EXOC4: variants seen among roughly 807,000 people sequenced by gnomAD.
EXOC4 encodes SEC8-like 1.
EXOC4 carries 71 observed loss-of-function variants against 107.2 expected under a neutral mutation model. The observed-to-expected ratio is 0.66, with a 90% CI of 0.55 to 0.81. The LOEUF is 0.81. Ranked by LOEUF, EXOC4 falls within the 30% of genes least tolerant of loss-of-function variation. The pLI, the probability that EXOC4 is intolerant of heterozygous loss-of-function variation, is 0.00. For missense variants in EXOC4, 1,108 were observed against 1,189.6 expected (o/e 0.93, Z 1.01); for synonymous variants, 456 against 441.2 (o/e 1.03, Z -0.42).
intron 10 of EXOC4, among the ~76,000 whole-genome samples, chr7:133,703,797 A>G (rs1399825269): frequency 6.6e-6 from 1 of 152,194 alleles, no homozygotes; most frequent in Non-Finnish European, 1.5e-5. Context: ...ACCATACACC[A>G]AAACAGTGAT....
At chr7:133,810,398 A>G (rs1797192134) in intron 10 of EXOC4, among the ~76,000 whole-genome samples, 4 of 152,134 alleles carry the variant, frequency 2.6e-5, no homozygotes, top group African/African-American at 9.7e-5. Flanking sequence ...TTTTGAAAAT[A>G]TTGGGTGAAA....
chr7:133,750,846 G>A (rs1795780904), intron 10 of EXOC4, among the ~76,000 whole-genome samples: 1 of 152,124 alleles, frequency 6.6e-6, no homozygotes, highest in African/African-American at 2.4e-5. Context: ...CTCCCAAAGT[G>A]TTGGGGCTTA....
chr7:133,468,824 C>T (rs1798798577), intron 7 of EXOC4, among the ~76,000 whole-genome samples: 1 of 151,942 alleles, frequency 6.6e-6, no homozygotes, highest in African/African-American at 2.4e-5. Flanking sequence ...TTTTTTTTGG[C>T]TTTTACAGTT....
At position 133,841,074 on chromosome 7, in the gene EXOC4, T is replaced by C. The variant is rs150395230; in HGVS notation, c.1734+23530T>C. Among the ~76,000 whole-genome samples, 560 of 152,270 alleles carry C rather than the reference T, an allele frequency of 3.7e-3. 2 individuals carry two copies. The highest frequency in any genetic ancestry group is 5.3e-3 in the Non-Finnish European group (359 of 68,018). The stretch of plus-strand genomic sequence containing the variant: ...GAGGTGGGGAAGTCCAAGATCAAAG[T>C]GCTGGCAGATTTGGTGTCTGATGAG... On this transcript the variant is annotated intron_variant, in intron 11 of 17. Coordinates refer to ENST00000253861, the MANE Select transcript of EXOC4 (RefSeq NM_021807.4).
intron 7 of EXOC4, among the ~76,000 whole-genome samples, chr7:133,435,449 G>A (rs1797948936): frequency 6.6e-6 from 1 of 152,180 alleles, no homozygotes. Context: ...TGCAAAGGCA[G>A]AGAACCAAGG....
chr7:133,398,736 G>A (rs1335323490), intron 7 of EXOC4, among the ~76,000 whole-genome samples: 1 of 152,012 alleles, frequency 6.6e-6, no homozygotes, highest in Non-Finnish European at 1.5e-5. Context: ...GAATTTCTAG[G>A]GACGAAAGAG....
At chr7:133,595,500 C>T (rs972992385) in intron 9 of EXOC4, among the ~76,000 whole-genome samples, 1 of 152,052 alleles carries the variant, frequency 6.6e-6, no homozygotes, top group African/African-American at 2.4e-5. Context: ...TTCTGATGTG[C>T]TTATTTTGTT....
chr7:133,786,329 C>G (rs1441344716), intron 10 of EXOC4, among the ~76,000 whole-genome samples: 3 of 152,180 alleles, frequency 2.0e-5, no homozygotes, highest in Non-Finnish European at 2.9e-5. Context: ...GGCCAGGGGT[C>G]TGCTGATACT....
chr7:133,550,759 T>C (rs1800571933), intron 9 of EXOC4, among the ~76,000 whole-genome samples: 1 of 152,154 alleles, frequency 6.6e-6, no homozygotes, highest in Admixed American at 6.5e-5. Context: ...GAACCTGTAA[T>C]AGCCTTTTTG....
chr7:133,934,882 T>A (rs903408627), intron 13 of EXOC4, among the ~76,000 whole-genome samples: 1 of 151,542 alleles, frequency 6.6e-6, no homozygotes, highest in African/African-American at 2.4e-5. Context: ...TTGTTTTGCT[T>A]TTCCTAGTAA....
At chr7:133,744,592 G>A (rs767312950) in intron 10 of EXOC4, among the ~76,000 whole-genome samples, 1 of 152,300 alleles carries the variant, frequency 6.6e-6, no homozygotes, top group South Asian at 2.1e-4. Flanking sequence ...GAAAAGTTAA[G>A]ATGAGGAAGC....
intron 10 of EXOC4, among the ~76,000 whole-genome samples, chr7:133,677,176 T>C (rs1465132343): frequency 6.6e-6 from 1 of 152,152 alleles, no homozygotes; most frequent in Non-Finnish European, 1.5e-5. Context: ...CTCTAATGTT[T>C]TGAGTTTTAG....
intron 5 of EXOC4, among the ~76,000 whole-genome samples, chr7:133,331,036 A>G (rs993731768): frequency 6.6e-6 from 1 of 151,978 alleles, no homozygotes; most frequent in Admixed American, 6.6e-5. Context: ...GGCAGGTACT[A>G]TGTGATTACT....
At chr7:134,023,349 G>A (rs1795068778) in intron 17 of EXOC4, among the ~76,000 whole-genome samples, 1 of 152,088 alleles carries the variant, frequency 6.6e-6, no homozygotes, top group Admixed American at 6.5e-5. Context: ...GCATCGTAGA[G>A]TATTTATAGC....
the EXOC4 span, among the ~76,000 whole-genome samples, chr7:134,076,454 CT>C: frequency 2.0e-5 from 3 of 151,756 alleles, no homozygotes; most frequent in Non-Finnish European, 2.9e-5. Flanking sequence ...GGAGGCGGAG[CT>C]TGCAGTGAGC....
chr7:133,834,425 C>T (rs1797874912), intron 11 of EXOC4, among the ~76,000 whole-genome samples: 1 of 152,176 alleles, frequency 6.6e-6, no homozygotes, highest in Non-Finnish European at 1.5e-5. Context: ...ATTGTACAAC[C>T]TTACCCTGGC....
Position 133,782,786 on chromosome 7 carries a change from G to C in EXOC4, c.1515-34539G>C, listed in dbSNP as rs78037457. The stretch of plus-strand genomic sequence containing the variant: ...CAATTATGCTGTGCACGTGGAGAGA[G>C]GGGCACAATAGCAAAGGCGAATGGT... On this transcript the variant is annotated intron_variant, in intron 10 of 17. Coordinates refer to ENST00000253861, the MANE Select transcript of EXOC4 (RefSeq NM_021807.4). 3.9e-5 allele frequency among the ~76,000 whole-genome samples: 6 copies of C among 152,256 alleles called. No homozygotes were observed. The East Asian group carries it at 1.2e-3, about 29-fold the overall frequency.
At chr7:134,031,665 G>A (rs932585604) in intron 17 of EXOC4, among the ~76,000 whole-genome samples, 1 of 152,122 alleles carries the variant, frequency 6.6e-6, no homozygotes, top group Admixed American at 6.5e-5. Context: ...TGCTAGAAAA[G>A]GAACTATGCT....
chr7:133,922,843 C>T (rs546954233), intron 13 of EXOC4, among the ~76,000 whole-genome samples: 11 of 148,998 alleles, frequency 7.4e-5, no homozygotes, highest in Non-Finnish European at 1.0e-4. Flanking sequence ...AGCGAGACTC[C>T]GTCTCAAAAA....
Sources: gnomAD v4.1 joint callset for allele counts (sites outside exome capture counted in the v4.1 genomes callset) on GRCh38, gnomAD v4.1.1 for gene constraint, MANE v1.5 for transcripts, NCBI Gene and HGNC (gene_info 2026-07-23, HGNC 2026-07-21) for gene names.